PUSL1: variants seen among roughly 807,000 people sequenced by gnomAD.
PUSL1 encodes the protein pseudouridine synthase like 1, also known as tRNA pseudouridine synthase-like 1.
Under a neutral mutation model 30.7 loss-of-function variants are expected in PUSL1, and 51 were observed. That is an observed-to-expected ratio of 1.66 (90% confidence interval 1.33 to 2.10). The LOEUF is 2.10. PUSL1 is among the 30% of genes most tolerant of loss of function. The pLI, the probability that PUSL1 is intolerant of heterozygous loss-of-function variation, is 0.00. For missense variants in PUSL1, 609 were observed against 427.6 expected, an observed-to-expected ratio of 1.42 and a Z score of -3.74; for synonymous variants, 290 against 192.1, an observed-to-expected ratio of 1.51 and a Z score of -4.21.
chr1:1,309,744 C>T lies in PUSL1; in HGVS notation c.537C>T (p.Ser179=). 1.3e-6 allele frequency: 2 copies of T among 1,596,312 alleles called. No individual in the cohort carries two copies. ...AQHLLGTHDF[S]AFQSAGSPVP... ...ACCTCCTCGGCACACACGACTTCAGCGCCTTCCAGTCCGCTGGCAGCCCGG... is the reference window on the plus strand; with the variant it reads ...ACCTCCTCGGCACACACGACTTCAGTGCCTTCCAGTCCGCTGGCAGCCCGG... Residue 179 remains serine (S), a synonymous_variant, in exon 5 of 8, where the codon AGC becomes AGT. Transcript: ENST00000379031.
At chr1:1,311,219 G>A (rs180986234) in intron 7 of PUSL1, 111 bp from the exon 8 acceptor site, 50 of 1,395,000 alleles carry the variant, frequency 3.6e-5, no homozygotes, top group African/African-American at 2.3e-4. Context: ...AGGCCAGCCC[G>A]TAGCCCGTCC....
intron 7 of PUSL1, 107 bp from the exon 8 acceptor site, chr1:1,311,223 C>T: frequency 7.1e-7 from 1 of 1,405,962 alleles, no homozygotes; most frequent in Admixed American, 2.5e-5. Context: ...CAGCCCGTAG[C>T]CCGTCCTGGG....
intron 1 of PUSL1, 87 bp from the exon 2 acceptor site, chr1:1,308,828 G>C (rs1423392128): frequency 4.9e-6 from 7 of 1,441,382 alleles, no homozygotes; most frequent in South Asian, 1.4e-5. Flanking sequence ...CCAAACGTTC[G>C]GGGAAGGAAG....
At chr1:1,310,790 A>G (rs550674497) in intron 6 of PUSL1, 102 bp downstream of exon 6, 18 of 1,589,672 alleles carry the variant, frequency 1.1e-5, no homozygotes, top group African/African-American at 3.6e-5. Context: ...GGTCACAGGT[A>G]CGGAGGATGA....
At chr1:1,308,789 G>C in intron 1 of PUSL1, 69 bp downstream of exon 1, 2 of 1,449,850 alleles carry the variant, frequency 1.4e-6, no homozygotes, top group Non-Finnish European at 1.8e-6. Context: ...GGGCGCGGGC[G>C]GGCAGGCGGA....
Position 1,309,671 on chromosome 1 carries a change from G to A in PUSL1, c.474-10G>A, listed in dbSNP as rs1557621594. ...CCCCACCCTCCTGACGGTCACCCTG[G>A]TCCCTGAAGCTGCCTGGATATGGTC... On this transcript the variant is annotated splice_polypyrimidine_tract_variant and intron_variant, in intron 4 of 7. Coordinates refer to ENST00000379031, the MANE Select transcript of PUSL1 (RefSeq NM_153339.3). 4.4e-6 allele frequency: 7 copies of A among 1,596,096 alleles called. No individual in the cohort carries two copies. Among genetic ancestry groups the A allele is most frequent in the Admixed American group, 1.7e-5 (1 of 59,460 alleles).
rs1437396593 is a variant in PUSL1 at position 1,309,439 on chromosome 1, T to G, written c.324-15T>G. On this transcript the variant is annotated splice_polypyrimidine_tract_variant and intron_variant, in intron 3 of 7. Coordinates refer to ENST00000379031, the MANE Select transcript of PUSL1 (RefSeq NM_153339.3). The stretch of plus-strand genomic sequence containing the variant: ...GCGGGGTCGTTCCTCCGGTGAGCTT[T>G]ACCTGCCGCCATAGGGTCCTGCGGG... 6.3e-7 allele frequency: 1 copy of G among 1,586,266 alleles called. No individual in the cohort carries two copies. The highest frequency in any genetic ancestry group is 2.3e-5 in the East Asian group (1 of 43,410).
chr1:1,309,411 C>T (rs532104726), intron 3 of PUSL1, 43 bp from the exon 4 acceptor site: 357 of 1,540,380 alleles, frequency 2.3e-4, no homozygotes, highest in South Asian at 5.7e-4. Flanking sequence ...ACACCGCGGG[C>T]GGGCGGGGTC....
rs1225308682 is a variant in PUSL1 at position 1,308,609 on chromosome 1, G to T, written c.-35G>T. ...GCGCGCGCGCAGGATTCCTGCGCTGGAGGCCGCCTCTGACGCCACCGGCTG... is the reference window on the plus strand; with the variant it reads ...GCGCGCGCGCAGGATTCCTGCGCTGTAGGCCGCCTCTGACGCCACCGGCTG... On this transcript the variant is annotated 5_prime_UTR_variant, in exon 1 of 8. Transcript: ENST00000379031. The T allele has an allele frequency of 2.2e-6, 3 of 1,371,358 alleles. No individual in the cohort carries two copies. The highest frequency in any genetic ancestry group is 2.9e-6 in the Non-Finnish European group (3 of 1,027,120). The allele number at this position is 1,371,358 out of a possible 1,614,324, so 84.9% of individuals were successfully genotyped here.
In PUSL1 at chr1:1,309,792, G is replaced by A. The variant is rs1434846624; in HGVS notation, c.585G>A (p.Leu195=). The change falls in exon 5 of 8, where the codon CTG becomes CTA. Residue 195 remains leucine (L), a synonymous_variant. Coordinates refer to ENST00000379031, the MANE Select transcript of PUSL1 (RefSeq NM_153339.3). ...GSPVPSPVRT[L]RRVSVSPGQA... The stretch of plus-strand genomic sequence containing the variant: ...CGGTGCCGAGCCCCGTGCGAACGCT[G>A]CGCCGGGTCTCCGTTTCCCCAGGCC... 1.9e-6 allele frequency: 3 copies of A among 1,557,986 alleles called. No individual in the cohort carries two copies. The highest frequency in any genetic ancestry group is 1.7e-4 in the Middle Eastern group (1 of 5,998).
Position 1,311,560 on chromosome 1 carries a change from A to G in PUSL1, c.*181A>G, listed in dbSNP as rs1164931415. ...TCCCAGGCGGGATGGGGCACAGTGC[A>G]GGACACAGCCATGTACACCAAGAAG... On this transcript the variant is annotated 3_prime_UTR_variant, in exon 8 of 8. Transcript: ENST00000379031. 1.4e-6 allele frequency: 1 copy of G among 737,846 alleles called. No homozygotes were observed. Among genetic ancestry groups the G allele is most frequent in the Non-Finnish European group, 2.4e-6 (1 of 417,614 alleles). The allele number at this position is 737,846 out of a possible 1,614,324, so 45.7% of individuals were successfully genotyped here.
intron 1 of PUSL1, 43 bp from the exon 2 acceptor site, chr1:1,308,872 G>C: frequency 7.0e-7 from 1 of 1,419,414 alleles, no homozygotes; most frequent in Non-Finnish European, 9.2e-7. Flanking sequence ...GGAGACCCCA[G>C]GGCAGGGCGC....
Position 1,311,390 on chromosome 1 carries a change from T to A in PUSL1, c.*11T>A. The A allele has an allele frequency of 6.2e-7, 1 of 1,601,770 alleles. No homozygotes were observed. ...GGGAGCCACGGATGACCCTGGACAC[T>A]CAAGCCAAAGTTAGGCCACACCAGG... On this transcript the variant is annotated 3_prime_UTR_variant, in exon 8 of 8. Transcript: ENST00000379031.
Position 1,308,650 on chromosome 1 carries a change from T to C in PUSL1, c.7T>C (p.Ser3Pro), listed in dbSNP as rs1262065761. Residue 3 changes from serine to proline, a missense_variant, in exon 1 of 8, where the codon TCG (serine) becomes CCG (proline). Physicochemically the swap from Ser to Pro is moderately conservative, Grantham distance 74. Transcript: ENST00000379031. MS[S>P]APASGSVRAR... Reference sequence around the variant, plus strand: ...CCACCGGCTGGGCTCCGCCATGAGTTCGGCGCCGGCCTCAGGCTCCGTGCG... The same window carrying C: ...CCACCGGCTGGGCTCCGCCATGAGTCCGGCGCCGGCCTCAGGCTCCGTGCG... 1 of 1,514,650 alleles carries C rather than the reference T, an allele frequency of 6.6e-7. No individual in the cohort carries two copies. The highest frequency in any genetic ancestry group is 1.5e-5 in the African/African-American group (1 of 67,988). The allele number at this position is 1,514,650 out of a possible 1,614,324, so 93.8% of individuals were successfully genotyped here. A position where few individuals can be genotyped will look rare whatever the true frequency, so the allele number is the denominator to read the frequency against.
intron 5 of PUSL1, 24 bp from the exon 6 acceptor site, chr1:1,310,610 A>G (rs1642075957): frequency 3.3e-6 from 5 of 1,527,304 alleles, no homozygotes; most frequent in Non-Finnish European, 2.7e-6. Flanking sequence ...CCCCACAGAC[A>G]CCTACAGGTA....
chr1:1,309,626 G>A (rs1352448926), intron 4 of PUSL1, 23 bp downstream of exon 4: 1 of 1,597,950 alleles, frequency 6.3e-7, no homozygotes, highest in South Asian at 1.1e-5. Flanking sequence ...CTGACAGCGG[G>A]GAGGGGGCGG....
chr1:1,309,722 T>G lies in PUSL1; in HGVS notation c.515T>G (p.Leu172Arg). ...GCCATGCAGGAAGCCGCCCAGCACC[T>G]CCTCGGCACACACGACTTCAGCGCC... ...MVAMQEAAQH[L>R]LGTHDFSAFQ... Residue 172 changes from leucine (L) to arginine (R), a missense_variant, in exon 5 of 8, where the codon CTC becomes CGC. Transcript: ENST00000379031. 1 of 1,598,140 alleles carries G rather than the reference T, an allele frequency of 6.3e-7. No homozygotes were observed. Among genetic ancestry groups the G allele is most frequent in the South Asian group, 1.1e-5 (1 of 89,788 alleles).
chr1:1,309,374 G>A (rs899954994), intron 3 of PUSL1, 80 bp from the exon 4 acceptor site: 6 of 1,489,478 alleles, frequency 4.0e-6, no homozygotes, highest in African/African-American at 1.4e-5. Context: ...TCTGGTCGGA[G>A]CTCGAGGGGG....
rs202024784 is a variant in PUSL1, at chr1:1,309,263, C to T, written c.313C>T (p.Pro105Ser). 6.7e-7 allele frequency: 1 copy of T among 1,485,756 alleles called. No homozygotes were observed. Among genetic ancestry groups the T allele is most frequent in the Non-Finnish European group, 8.9e-7 (1 of 1,122,168 alleles). The allele number at this position is 1,485,756 out of a possible 1,614,324, so 92.0% of individuals were successfully genotyped here. A position where few individuals can be genotyped will look rare whatever the true frequency, so the allele number is the denominator to read the frequency against. ...GGCCCTCAACACACACCTGCGGCAC[C>T]CGGCCATCAGGTGAGCCCGCGACCT... The part of the protein sequence containing the change: ...AEALNTHLRH[P>S]AIRVLRAFRV... The change falls in exon 3 of 8, where the codon CCG becomes TCG. Residue 105 changes from proline (P) to serine (S), a missense_variant. Pro to Ser is a moderately conservative substitution (Grantham distance 74, BLOSUM62 -1). Coordinates refer to ENST00000379031, the MANE Select transcript of PUSL1 (RefSeq NM_153339.3).
Sources: allele counts gnomAD v4.1 joint callset, GRCh38; gene constraint gnomAD v4.1.1; transcripts MANE v1.5; gene names NCBI Gene and HGNC (gene_info 2026-07-23, HGNC 2026-07-21).